Variants in ADAMTSL1 observed in about 807,000 individuals in gnomAD.
ADAMTSL1 encodes the protein ADAMTS-like protein 1.
A neutral mutation model predicts 201.8 loss-of-function variants in ADAMTSL1; 126 were observed. The ratio of observed to expected loss-of-function variants is 0.62; its 90% CI spans 0.54 to 0.72. The LOEUF (loss-of-function observed/expected upper bound fraction) is 0.72. Ranked by LOEUF, ADAMTSL1 falls within the 30% of genes least tolerant of loss-of-function variation. ADAMTSL1 has a pLI of 0.00. For missense variants in ADAMTSL1, 2,679 were observed against 2,277.8 expected (o/e 1.18, Z -3.59); for synonymous variants, 1,121 against 903.4 (o/e 1.24, Z -4.32).
At chr9:18,736,996 ACT>A (rs1224201375) in intron 15 of ADAMTSL1, among the ~76,000 whole-genome samples, 1 of 152,138 alleles carries the variant, frequency 6.6e-6, no homozygotes, top group Non-Finnish European at 1.5e-5. Flanking sequence ...TCCACATAGA[ACT>A]CTCTCTGCCT....
intron 25 of ADAMTSL1, among the ~76,000 whole-genome samples, chr9:18,891,138 T>TGCTACATGCCTCTCCTGAAAGCCAG (rs371529493): frequency 0.1 from 15,381 of 152,110 alleles, 852 homozygotes; most frequent in Middle Eastern, 0.21. Context: ...TCCCCTTCCC[T>TGCTACATGCCTCTCCTGAAAGCCAG]GCTACATGCC....
At chr9:18,277,323 A>G (rs1484273724) in intron 2 of ADAMTSL1, among the ~76,000 whole-genome samples, 3 of 152,196 alleles carry the variant, frequency 2.0e-5, no homozygotes, top group Admixed American at 6.5e-5. Flanking sequence ...TGATCTATCC[A>G]TTATTTAACA....
chr9:18,634,766 A>C (rs867308389), intron 5 of ADAMTSL1, among the ~76,000 whole-genome samples: 1 of 150,004 alleles, frequency 6.7e-6, no homozygotes, highest in African/African-American at 2.5e-5. Flanking sequence ...TGAACCCAGG[A>C]AACAGAGGTT....
At chr9:18,278,236 T>A (rs1324553324) in intron 2 of ADAMTSL1, among the ~76,000 whole-genome samples, 1 of 152,184 alleles carries the variant, frequency 6.6e-6, no homozygotes, top group Non-Finnish European at 1.5e-5. Context: ...ACTTTTGATG[T>A]TTATAGTGGT....
chr9:18,651,141 A>G (rs571544111), intron 7 of ADAMTSL1: 2 of 152,354 alleles, frequency 1.3e-5, no homozygotes, highest in Admixed American at 1.3e-4. Flanking sequence ...GGCCATTCAG[A>G]TAAATGGCTA....
intron 1 of ADAMTSL1, among the ~76,000 whole-genome samples, chr9:18,103,913 G>A (rs1367614260): frequency 6.6e-6 from 1 of 152,186 alleles, no homozygotes; most frequent in African/African-American, 2.4e-5. Context: ...CTTTGGAGAT[G>A]TGTATGCTGA....
At chr9:18,406,324 CTT>C (rs1379408723) in intron 2 of ADAMTSL1, among the ~76,000 whole-genome samples, 9,095 of 129,726 alleles carry the variant, frequency 0.07, 696 homozygotes, top group African/African-American at 0.17. Flanking sequence ...CTTTTCTTTT[CTT>C]TTCTTTTCTT....
At chr9:18,729,108 A>G (rs10963738) in intron 15 of ADAMTSL1, among the ~76,000 whole-genome samples, 1 of 151,914 alleles carries the variant, frequency 6.6e-6, no homozygotes, top group African/African-American at 2.4e-5. Flanking sequence ...TCACATTGTG[A>G]TTGCTCCTAT....
intron 1 of ADAMTSL1, among the ~76,000 whole-genome samples, chr9:17,936,648 C>T (rs773027298): frequency 6.6e-6 from 1 of 152,120 alleles, no homozygotes; most frequent in African/African-American, 2.4e-5. Flanking sequence ...TGCTGTTTGC[C>T]AGCTTTCATG....
rs1820599525 is a variant in ADAMTSL1 at position 18,456,287 on chromosome 9, C to T, written c.208-48542C>T. 2.0e-5 allele frequency among the ~76,000 whole-genome samples: 3 copies of T among 152,142 alleles called. No homozygotes were observed. The South Asian group carries it at 6.2e-4, about 32-fold the overall frequency. ...TAAGTGTGCATAAGTGGCCTTGGTC[C>T]TTAACAAGCCTTGAATAACCAATCA... On this transcript the variant is annotated intron_variant, in intron 2 of 29. Transcript: ENST00000680146.
At chr9:18,847,404 A>T (rs1826194011) in intron 23 of ADAMTSL1, among the ~76,000 whole-genome samples, 1 of 152,232 alleles carries the variant, frequency 6.6e-6, no homozygotes, top group African/African-American at 2.4e-5. Flanking sequence ...AACAGACAAA[A>T]GTCCCTCCTC....
chr9:18,539,469 C>T (rs1201331075), intron 3 of ADAMTSL1, among the ~76,000 whole-genome samples: 1 of 152,224 alleles, frequency 6.6e-6, no homozygotes, highest in African/African-American at 2.4e-5. Flanking sequence ...ATGCCTCTTG[C>T]ACTGTGAACC....
chr9:18,039,170 G>T (rs936957129), intron 1 of ADAMTSL1, among the ~76,000 whole-genome samples: 3 of 152,138 alleles, frequency 2.0e-5, no homozygotes, highest in African/African-American at 7.2e-5. Context: ...GGAACAAACT[G>T]TGTTGCAATA....
At chr9:18,140,678 TCAG>T (rs1385814934) in intron 1 of ADAMTSL1, among the ~76,000 whole-genome samples, 1 of 152,188 alleles carries the variant, frequency 6.6e-6, no homozygotes, top group Non-Finnish European at 1.5e-5. Context: ...CCATTCATCA[TCAG>T]TTCTGAGAAT....
intron 2 of ADAMTSL1, among the ~76,000 whole-genome samples, chr9:18,240,567 G>A (rs1563829285): frequency 6.6e-6 from 1 of 152,128 alleles, no homozygotes; most frequent in Non-Finnish European, 1.5e-5. Flanking sequence ...AAGAGAGTTA[G>A]ACTGTCCTTC....
At chr9:17,999,736 C>T (rs1363230356) in intron 1 of ADAMTSL1, among the ~76,000 whole-genome samples, 1 of 150,212 alleles carries the variant, frequency 6.7e-6, no homozygotes, top group Non-Finnish European at 1.5e-5. Context: ...GTGTATCTCC[C>T]AATGCTATCC....
At chr9:18,186,893 A>T (rs1828761252) in intron 2 of ADAMTSL1, among the ~76,000 whole-genome samples, 1 of 151,870 alleles carries the variant, frequency 6.6e-6, no homozygotes, top group Non-Finnish European at 1.5e-5. Flanking sequence ...GAACATATAT[A>T]TTATTGACGA....
intron 1 of ADAMTSL1, among the ~76,000 whole-genome samples, chr9:18,500,579 C>T (rs1043080625): frequency 2.0e-5 from 3 of 152,084 alleles, no homozygotes; most frequent in African/African-American, 7.3e-5. Context: ...TTTAATAACT[C>T]AAGGGGCCTA....
intron 1 of ADAMTSL1, among the ~76,000 whole-genome samples, chr9:18,076,714 C>T (rs10963435): frequency 0.099 from 15,081 of 152,120 alleles, 1,324 homozygotes; most frequent in East Asian, 0.39. Context: ...CCACTGTTAA[C>T]GGCTGGGAGA....
Sources: gnomAD v4.1 joint callset for allele counts (sites outside exome capture counted in the v4.1 genomes callset) on GRCh38, gnomAD v4.1.1 for gene constraint, MANE v1.5 for transcripts, NCBI Gene and HGNC (gene_info 2026-07-23, HGNC 2026-07-21) for gene names.